The following AIG1 variants were observed in gnomAD, a reference collection of about 807,000 sequenced individuals.
The protein encoded by AIG1 is androgen-induced gene 1 protein.
In AIG1, 23 loss-of-function variants were observed where a neutral mutation model predicts 31.4. The ratio of observed to expected loss-of-function variants is 0.73; its 90% CI spans 0.53 to 1.04. AIG1 has a LOEUF of 1.04. AIG1 is among the 50% of genes least tolerant of loss of function. The pLI, the probability that AIG1 is intolerant of heterozygous loss-of-function variation, is 0.00. For synonymous variants in AIG1, 100 were observed against 110.5 expected, an observed-to-expected ratio of 0.90 and a Z score of 0.60; for missense variants, 274 against 295.0, an observed-to-expected ratio of 0.93 and a Z score of 0.52.
chr6:143,288,962 A>G lies in AIG1; in HGVS notation c.515+4737A>G, dbSNP rs1797873472. ...TGAAAGAGTTAAGCTTTGTCTAAAG[A>G]CTTTAAGTCAGTAGAAAGAAATGCT... On this transcript the variant is annotated intron_variant, in intron 4 of 5. Coordinates refer to ENST00000357847, the MANE Select transcript of AIG1 (RefSeq NM_016108.4). The surrounding 1 kb of genome is among the most constrained non-coding windows in gnomAD (Gnocchi z 4.4). Among the ~76,000 whole-genome samples the G allele has an allele frequency of 6.6e-6, 1 of 152,212 alleles. No individual in the cohort carries two copies. The highest frequency in any genetic ancestry group is 1.5e-5 in the Non-Finnish European group (1 of 68,028).
intron 2 of AIG1, among the ~76,000 whole-genome samples, chr6:143,157,625 A>G (rs977647975): frequency 6.6e-6 from 1 of 152,096 alleles, no homozygotes; most frequent in African/African-American, 2.4e-5. Flanking sequence ...TGTCTTCACC[A>G]AAGGCAATTT....
chr6:143,248,573 T>A (rs1456239262), intron 3 of AIG1, among the ~76,000 whole-genome samples: 3 of 152,104 alleles, frequency 2.0e-5, no homozygotes, highest in African/African-American at 4.8e-5. Flanking sequence ...CAGAGAGGGA[T>A]CACTGATGAA....
At chr6:143,302,451 A>G (rs1320347349) in intron 4 of AIG1, among the ~76,000 whole-genome samples, 2 of 149,334 alleles carry the variant, frequency 1.3e-5, no homozygotes, top group East Asian at 3.9e-4. Context: ...TTCAATTCCC[A>G]CCTATGAGTG....
rs893599129 is a variant in AIG1 at position 143,291,481 on chromosome 6, C to T, written c.515+7256C>T. Among the ~76,000 whole-genome samples the T allele has an allele frequency of 5.9e-5, 9 of 152,198 alleles. No homozygotes were observed. The highest frequency in any genetic ancestry group is 1.3e-4 in the Non-Finnish European group (9 of 68,038). On this transcript the variant is annotated intron_variant, in intron 4 of 5. Transcript: ENST00000357847. This position sits in a 1 kb window ranked among gnomAD's most constrained non-coding sequence, Gnocchi z 4.2. ...GCAAACCTCACACTTATGCACCCGA[C>T]GCAGAGGTGAGCACCTGGACTTCAG... is the stretch of plus-strand genomic sequence containing the variant.
intron 3 of AIG1, among the ~76,000 whole-genome samples, chr6:143,175,946 G>A (rs1014092113): frequency 6.6e-6 from 1 of 152,186 alleles, no homozygotes; most frequent in South Asian, 2.1e-4. Flanking sequence ...TATGTCAGAC[G>A]GAAGATCTGG....
chr6:143,081,736 A>G (rs1266939329), intron 1 of AIG1, among the ~76,000 whole-genome samples: 1 of 152,112 alleles, frequency 6.6e-6, no homozygotes, highest in East Asian at 1.9e-4. Context: ...GGTTAGCTGC[A>G]GGCAAAAGTA....
rs186244886 is a variant in AIG1, at chr6:143,132,730, T to G, written c.142-4105T>G. Among the ~76,000 whole-genome samples, 1,018 of 152,100 alleles carry G rather than the reference T, an allele frequency of 6.7e-3. 14 individuals carry two copies. The highest frequency in any genetic ancestry group is 0.023 in the African/African-American group (962 of 41,546). ...ATATTTTCTCACAGTTCACTTAGAT[T>G]GTTAATATTTAAAGTCTTTCTTCTT... On this transcript the variant is annotated intron_variant, in intron 1 of 5. Transcript: ENST00000357847.
chr6:143,184,553 T>G (rs1583446823), intron 3 of AIG1, among the ~76,000 whole-genome samples: 2 of 152,274 alleles, frequency 1.3e-5, no homozygotes, highest in East Asian at 3.9e-4. Context: ...TCCTATCACA[T>G]CCCCCACAGT....
chr6:143,187,494 A>G (rs1789371696), intron 3 of AIG1: 2 of 1,534,978 alleles, frequency 1.3e-6, no homozygotes, highest in South Asian at 1.2e-5. Context: ...AGACATATGC[A>G]CAAAATCACT....
At chr6:143,343,783 T>G (rs1224762828), downstream of AIG1, among the ~76,000 whole-genome samples, 3 of 152,156 alleles carry the variant, frequency 2.0e-5, no homozygotes, top group African/African-American at 7.2e-5. Context: ...ATAGGTAAAC[T>G]TGTGTCATGG....
chr6:143,093,698 G>A (rs1470475560), intron 1 of AIG1, among the ~76,000 whole-genome samples: 11 of 152,180 alleles, frequency 7.2e-5, no homozygotes, highest in Non-Finnish European at 1.6e-4. Context: ...AGTGAGAGAT[G>A]TGCAACTCTT....
intron 1 of AIG1, among the ~76,000 whole-genome samples, chr6:143,106,470 GCACTCTA>G (rs1347714264): frequency 6.6e-6 from 1 of 152,126 alleles, no homozygotes; most frequent in Non-Finnish European, 1.5e-5. Flanking sequence ...CTCTTCTAGG[GCACTCTA>G]CATTCATTGA....
intron 3 of AIG1, among the ~76,000 whole-genome samples, chr6:143,211,899 A>G (rs1352507448): frequency 3.3e-5 from 5 of 152,112 alleles, no homozygotes; most frequent in Non-Finnish European, 5.9e-5. Context: ...TCTCAAAAAA[A>G]AAAAAAAATT....
At chr6:143,180,648 T>G (rs933008053) in intron 3 of AIG1, among the ~76,000 whole-genome samples, 2 of 152,214 alleles carry the variant, frequency 1.3e-5, no homozygotes, top group Non-Finnish European at 2.9e-5. Context: ...GTTTATAAAG[T>G]GCTTTCAGAA....
At chr6:143,138,349 C>T (rs1055965583) in intron 2 of AIG1, among the ~76,000 whole-genome samples, 6 of 152,142 alleles carry the variant, frequency 3.9e-5, no homozygotes, top group Non-Finnish European at 8.8e-5. Flanking sequence ...GAATAGTCAT[C>T]TAAGAGAAAA....
intron 3 of AIG1, among the ~76,000 whole-genome samples, chr6:143,180,195 T>C (rs1043504291): frequency 1.3e-4 from 20 of 152,310 alleles, no homozygotes; most frequent in Admixed American, 1.3e-3. Context: ...GACCTGGACT[T>C]TGATATAATT....
chr6:143,181,484 G>A (rs1168211747), intron 3 of AIG1, among the ~76,000 whole-genome samples: 1 of 152,146 alleles, frequency 6.6e-6, no homozygotes, highest in Admixed American at 6.5e-5. Context: ...GTGATCATTA[G>A]TTCTAACAAG....
intron 3 of AIG1, among the ~76,000 whole-genome samples, chr6:143,262,729 G>A (rs369504909): frequency 6.6e-6 from 1 of 151,830 alleles, no homozygotes; most frequent in African/African-American, 2.4e-5. Flanking sequence ...GTCTAGCAAG[G>A]GAAGATCTTA....
In AIG1 at chr6:143,080,183, G is replaced by C. The variant is rs533639888; in HGVS notation, c.141+19117G>C. Among the ~76,000 whole-genome samples the C allele has an allele frequency of 1.4e-3, 218 of 151,450 alleles. 1 individual carries two copies. The highest frequency in any genetic ancestry group is 2.5e-3 in the Non-Finnish European group (169 of 68,020). The stretch of plus-strand genomic sequence containing the variant: ...CTGTTGGGGAGGTTGGCTGACAACC[G>C]CTCTTAACTGCTTCATGCTGAATTG... On this transcript the variant is annotated intron_variant, in intron 1 of 5. Transcript: ENST00000357847.
Sources: allele counts gnomAD v4.1 joint callset (sites outside exome capture counted in the v4.1 genomes callset), GRCh38; gene constraint gnomAD v4.1.1; non-coding constraint Gnocchi (gnomAD v3.1); transcripts MANE v1.5; gene names NCBI Gene and HGNC (gene_info 2026-07-23, HGNC 2026-07-21).